The following DGLUCY variants were observed in gnomAD, a reference collection of about 807,000 sequenced individuals.
The protein encoded by DGLUCY is D-glutamate cyclase, mitochondrial.
DGLUCY carries 58 observed loss-of-function variants against 58.5 expected under a neutral mutation model. The ratio of observed to expected loss-of-function variants is 0.99; its 90% CI spans 0.80 to 1.23. The LOEUF is 1.23. Among genes scored for constraint, DGLUCY ranks in the 50% most tolerant of loss-of-function variants. The probability of loss-of-function intolerance (pLI) is 0.00; values close to 1 mark genes in which losing one functional copy is unlikely to be tolerated. For missense variants in DGLUCY, 779 were observed against 784.7 expected (o/e 0.99, Z 0.09); for synonymous variants, 325 against 314.1 (o/e 1.03, Z -0.37).
At chr14:91,200,585 T>G (rs1257513214) in intron 11 of DGLUCY, among the ~76,000 whole-genome samples, 1 of 150,624 alleles carries the variant, frequency 6.6e-6, no homozygotes, top group Non-Finnish European at 1.5e-5. Flanking sequence ...AATATTTCAA[T>G]TTTTTTTTTG....
chr14:91,221,561 A>G (rs1214304567), intron 13 of DGLUCY, among the ~76,000 whole-genome samples: 1 of 150,144 alleles, frequency 6.7e-6, no homozygotes, highest in East Asian at 1.9e-4. Flanking sequence ...GGATGGAGGG[A>G]TGGATGGATA....
In DGLUCY at chr14:91,173,454, C is replaced by G. The variant is rs1380559500; in HGVS notation, c.607+15C>G. 1.9e-5 allele frequency: 30 copies of G among 1,581,392 alleles called. No individual in the cohort carries two copies. The highest frequency in any genetic ancestry group is 2.5e-5 in the Non-Finnish European group (29 of 1,167,242). ...GGGCGACCCAGGTCAGTGTCTCTCGCTCCTGCCCATGATCTTCCTGTTCAC... is the reference window on the plus strand; with the variant it reads ...GGGCGACCCAGGTCAGTGTCTCTCGGTCCTGCCCATGATCTTCCTGTTCAC... On this transcript the variant is annotated intron_variant, in intron 6 of 13. Coordinates refer to ENST00000256324, the MANE Select transcript of DGLUCY (RefSeq NM_001102368.3).
intron 1 of DGLUCY, among the ~76,000 whole-genome samples, chr14:91,116,435 C>T (rs987866873): frequency 2.0e-5 from 3 of 152,196 alleles, no homozygotes; most frequent in Admixed American, 2.0e-4. Flanking sequence ...AGGCACAGCT[C>T]TCTGGAAGAC....
chr14:91,142,221 C>A (rs559287012), intron 1 of DGLUCY, among the ~76,000 whole-genome samples: 6 of 152,154 alleles, frequency 3.9e-5, no homozygotes, highest in Non-Finnish European at 8.8e-5. Flanking sequence ...ATTTATCTGA[C>A]TCTAGAACTT....
chr14:91,196,446 T>G lies in DGLUCY; in HGVS notation c.1267T>G (p.Cys423Gly). The G allele has an allele frequency of 6.2e-7, 1 of 1,614,090 alleles. No homozygotes were observed. Among genetic ancestry groups the G allele is most frequent in the Non-Finnish European group, 8.5e-7 (1 of 1,180,022 alleles). Reference sequence around the variant, plus strand: ...AGTGGAAGCTGCTCAGGCATTCCTGTGCAAAAATGGGGACCCGCAGACACC... The same window carrying G: ...AGTGGAAGCTGCTCAGGCATTCCTGGGCAAAAATGGGGACCCGCAGACACC... ...GSVEAAQAFL[C>G]KNGDPQTPRF... Residue 423 changes from cysteine (C) to glycine (G), a missense_variant, in exon 10 of 14, where the codon TGC becomes GGC. Transcript: ENST00000256324.
chr14:91,199,298 C>T (rs930133026), intron 10 of DGLUCY, among the ~76,000 whole-genome samples: 5 of 150,866 alleles, frequency 3.3e-5, no homozygotes, highest in Admixed American at 2.0e-4. Flanking sequence ...CTTACTCTGT[C>T]GCCCAGGCTG....
chr14:91,086,324 C>T (rs933191885), intron 1 of DGLUCY, among the ~76,000 whole-genome samples: 6 of 152,084 alleles, frequency 3.9e-5, no homozygotes. Context: ...CATCCCCGAC[C>T]CCCTGCCTGG....
At chr14:91,179,423 T>C (rs564867409) in intron 7 of DGLUCY, among the ~76,000 whole-genome samples, 1 of 152,118 alleles carries the variant, frequency 6.6e-6, no homozygotes, top group East Asian at 1.9e-4. Flanking sequence ...TACTCCAGCC[T>C]GGGCAACAGA....
At chr14:91,097,154 T>C (rs2044408384) in intron 1 of DGLUCY, among the ~76,000 whole-genome samples, 1 of 152,234 alleles carries the variant, frequency 6.6e-6, no homozygotes, top group African/African-American at 2.4e-5. Flanking sequence ...CCCAGCACTT[T>C]AGGAGTTCAA....
intron 1 of DGLUCY, among the ~76,000 whole-genome samples, chr14:91,135,965 G>A (rs1256496493): frequency 7.5e-6 from 1 of 134,224 alleles, no homozygotes; most frequent in Non-Finnish European, 1.5e-5. Flanking sequence ...GATAGAGTCT[G>A]GCTCTGTCGC....
chr14:91,118,104 G>A (rs1351669768), intron 1 of DGLUCY, among the ~76,000 whole-genome samples: 13 of 116,496 alleles, frequency 1.1e-4, no homozygotes, highest in East Asian at 2.5e-4. Flanking sequence ...TTTTTTAGAC[G>A]GAGTCTCACT....
At chr14:91,110,428 T>C (rs903952849), upstream of DGLUCY, among the ~76,000 whole-genome samples, 3 of 115,532 alleles carry the variant, frequency 2.6e-5, no homozygotes, top group Admixed American at 1.3e-4. Context: ...CTTTCTTTCT[T>C]TCTTTTTTTT....
intron 7 of DGLUCY, among the ~76,000 whole-genome samples, chr14:91,177,548 G>A (rs1379538491): frequency 6.6e-6 from 1 of 152,192 alleles, no homozygotes; most frequent in African/African-American, 2.4e-5. Flanking sequence ...ACACGAGGGC[G>A]CCCTCGCTAG....
Position 91,184,358 on chromosome 14 carries a change from A to G in DGLUCY, c.934+2969A>G, listed in dbSNP as rs139594471. Among the ~76,000 whole-genome samples the G allele has an allele frequency of 1.4e-3, 214 of 151,680 alleles. 1 individual carries two copies. Among genetic ancestry groups the G allele is most frequent in the Non-Finnish European group, 2.8e-3 (188 of 67,922 alleles). On this transcript the variant is annotated intron_variant, in intron 8 of 13. Transcript: ENST00000256324. ...CAGGAGTTGAAGACCAGCCTGGCCA[A>G]TGTAGAGAGATCCTATCTCTAGAAA...
chr14:91,094,567 G>A (rs1283553788), intron 1 of DGLUCY, among the ~76,000 whole-genome samples: 1 of 148,586 alleles, frequency 6.7e-6, no homozygotes, highest in African/African-American at 2.5e-5. Flanking sequence ...TGGGTCAGGC[G>A]CAATGGCTCA....
At chr14:91,120,146 C>A (rs1406903528) in intron 1 of DGLUCY, among the ~76,000 whole-genome samples, 1 of 152,100 alleles carries the variant, frequency 6.6e-6, no homozygotes, top group Non-Finnish European at 1.5e-5. Flanking sequence ...ATCTAGAGAA[C>A]CCTGACTAAT....
At chr14:91,168,455 G>T (rs1424418645) in intron 4 of DGLUCY, among the ~76,000 whole-genome samples, 1 of 151,954 alleles carries the variant, frequency 6.6e-6, no homozygotes, top group African/African-American at 2.4e-5. Flanking sequence ...ATCATTTTAG[G>T]ACGGGAAGGT....
intron 1 of DGLUCY, among the ~76,000 whole-genome samples, chr14:91,148,049 C>T (rs2047105688): frequency 6.6e-6 from 1 of 152,032 alleles, no homozygotes; most frequent in African/African-American, 2.4e-5. Flanking sequence ...TGGCACGCAC[C>T]TGTAATCCCA....
At chr14:91,073,753 A>G (rs2043961771) in intron 1 of DGLUCY, among the ~76,000 whole-genome samples, 1 of 152,140 alleles carries the variant, frequency 6.6e-6, no homozygotes, top group South Asian at 2.1e-4. Flanking sequence ...ACAAGGAAAC[A>G]AGGACCTCAG....
Sources: gnomAD v4.1 joint callset for allele counts (sites outside exome capture counted in the v4.1 genomes callset) on GRCh38, gnomAD v4.1.1 for gene constraint, MANE v1.5 for transcripts, NCBI Gene and HGNC (gene_info 2026-07-23, HGNC 2026-07-21) for gene names.